KLF8: variants seen among roughly 807,000 people sequenced by gnomAD.
The protein encoded by KLF8 is Krueppel-like factor 8.
KLF8 carries 10 observed loss-of-function variants against 18.2 expected under a neutral mutation model. The observed-to-expected ratio is 0.55, with a 90% CI of 0.34 to 0.93. The LOEUF is 0.93. Among genes scored for constraint, KLF8 ranks in the 40% least tolerant of loss-of-function variants. The pLI is 0.02. For missense variants in KLF8, 264 were observed against 277.9 expected (o/e 0.95, Z 0.36); for synonymous variants, 109 against 97.3 (o/e 1.12, Z -0.71).
chrX:56,105,715 G>A, the KLF8 span, among the ~76,000 whole-genome samples: 1 of 110,940 alleles, frequency 9.0e-6, no homozygotes, highest in Non-Finnish European at 1.9e-5. Flanking sequence ...TTGCATTTAA[G>A]GTTAATATTG....
chrX:56,179,034 G>A, the KLF8 span, among the ~76,000 whole-genome samples: 1 of 112,045 alleles, frequency 8.9e-6, no homozygotes, highest in Non-Finnish European at 1.9e-5. Flanking sequence ...GTCCTTGGTA[G>A]CTTGATGGGG....
the KLF8 span, among the ~76,000 whole-genome samples, chrX:56,029,525 C>T: frequency 0.53 from 58,430 of 109,974 alleles, 13,752 homozygotes; most frequent in East Asian, 0.76. Context: ...GTGTTCAGCA[C>T]GGTATTGACC....
At chrX:56,216,400 A>T in the KLF8 span, among the ~76,000 whole-genome samples, 1 of 110,481 alleles carries the variant, frequency 9.1e-6, no homozygotes, top group Non-Finnish European at 1.9e-5. Flanking sequence ...TCTTTCTGTC[A>T]CCCAGCTTGG....
chrX:56,056,551 A>G, the KLF8 span, among the ~76,000 whole-genome samples: 1 of 100,837 alleles, frequency 9.9e-6, no homozygotes, highest in African/African-American at 3.7e-5. Context: ...TTGCAAGAAC[A>G]AAAAACCAAA....
At chrX:56,245,762 A>G (rs2066614994) in intron 1 of KLF8, among the ~76,000 whole-genome samples, 2 of 112,040 alleles carry the variant, frequency 1.8e-5, no homozygotes, top group South Asian at 7.3e-4. Context: ...CCCCTTTTGT[A>G]TATTTCCTTA....
At chrX:55,938,843 C>A in the KLF8 span, among the ~76,000 whole-genome samples, 1 of 111,769 alleles carries the variant, frequency 8.9e-6, no homozygotes, top group Non-Finnish European at 1.9e-5. Context: ...AATATATATG[C>A]ACCCAATACA....
chrX:55,917,466 G>A, the KLF8 span, among the ~76,000 whole-genome samples: 1 of 111,838 alleles, frequency 8.9e-6, no homozygotes, highest in East Asian at 2.8e-4. Flanking sequence ...CTAAGTGCAA[G>A]ACACTATTCT....
In KLF8 at chrX:56,279,252, G is replaced by A. The variant is rs184428991; in HGVS notation, c.899-5061G>A. On this transcript the variant is annotated intron_variant, in intron 5 of 5. Coordinates refer to ENST00000468660, the MANE Select transcript of KLF8 (RefSeq NM_007250.5). ...AGATAGTTGTGAAATTGGTGTTCTT[G>A]TTGGGGCATGATTGGTAGAACATTC... is the stretch of plus-strand genomic sequence containing the variant. 6.3e-5 allele frequency among the ~76,000 whole-genome samples: 7 copies of A among 110,681 alleles called. No homozygotes were observed. The East Asian group carries it at 1.4e-3, about 23-fold the overall frequency.
At chrX:56,172,111 CTTTTT>C in the KLF8 span, among the ~76,000 whole-genome samples, 3 of 103,099 alleles carry the variant, frequency 2.9e-5, no homozygotes, top group Non-Finnish European at 6.0e-5. Flanking sequence ...ATTTGCATTT[CTTTTT>C]TTTTTTATAC....
chrX:55,912,090 A>G, the KLF8 span, among the ~76,000 whole-genome samples: 1 of 111,706 alleles, frequency 9.0e-6, no homozygotes, highest in Non-Finnish European at 1.9e-5. Flanking sequence ...TTGTCTTAGT[A>G]TGGTGCTTGG....
At chrX:56,155,385 C>G in the KLF8 span, among the ~76,000 whole-genome samples, 62 of 110,985 alleles carry the variant, frequency 5.6e-4, no homozygotes, top group African/African-American at 2.0e-3. Context: ...TGTTCTCTCT[C>G]ATAGGTGGGA....
chrX:56,139,429 G>A, the KLF8 span, among the ~76,000 whole-genome samples: 7 of 111,673 alleles, frequency 6.3e-5, no homozygotes, highest in Non-Finnish European at 1.3e-4. Flanking sequence ...AACCAAAATA[G>A]CATGGTGCTG....
the KLF8 span, among the ~76,000 whole-genome samples, chrX:56,127,638 C>T: frequency 9.0e-6 from 1 of 111,493 alleles, no homozygotes; most frequent in East Asian, 2.8e-4. Context: ...TACCTTCCAG[C>T]CTGAGTGACA....
the KLF8 span, among the ~76,000 whole-genome samples, chrX:56,179,318 T>C: frequency 8.9e-6 from 1 of 112,261 alleles, no homozygotes. Flanking sequence ...ATAGGAATGC[T>C]TGTGATTTTT....
the KLF8 span, among the ~76,000 whole-genome samples, chrX:55,950,084 A>G: frequency 9.0e-6 from 1 of 111,358 alleles, no homozygotes; most frequent in Non-Finnish European, 1.9e-5. Context: ...TTACATATCT[A>G]CCTTAATTTT....
the KLF8 span, among the ~76,000 whole-genome samples, chrX:56,187,069 A>G: frequency 8.9e-6 from 1 of 111,928 alleles, no homozygotes; most frequent in Non-Finnish European, 1.9e-5. Context: ...CCTTCAAAAA[A>G]TTAATGAATC....
At chrX:56,270,374 AC>A in intron 5 of KLF8, 53 bp downstream of exon 5, 1 of 1,038,931 alleles carries the variant, frequency 9.6e-7, no homozygotes, top group Non-Finnish European at 1.3e-6. Flanking sequence ...ACACACACAC[AC>A]ACACACGAGA....
At chrX:56,075,502 G>T in the KLF8 span, among the ~76,000 whole-genome samples, 1 of 111,631 alleles carries the variant, frequency 9.0e-6, no homozygotes, top group African/African-American at 3.3e-5. Flanking sequence ...AAGAATTTAT[G>T]CTTTGTGTTA....
the KLF8 span, among the ~76,000 whole-genome samples, chrX:56,177,530 G>T: frequency 9.0e-6 from 1 of 111,199 alleles, no homozygotes; most frequent in South Asian, 3.8e-4. Context: ...GTGCCTCCCA[G>T]TTAGGCTACT....
Sources: allele counts gnomAD v4.1 joint callset (sites outside exome capture counted in the v4.1 genomes callset), GRCh38; gene constraint gnomAD v4.1.1; transcripts MANE v1.5; gene names NCBI Gene and HGNC (gene_info 2026-07-23, HGNC 2026-07-21).